Variants in TGFB2 observed in about 807,000 individuals in gnomAD.
TGFB2 encodes the protein transforming growth factor beta 2.
A neutral mutation model predicts 42.7 loss-of-function variants in TGFB2; 13 were observed. The ratio of observed to expected loss-of-function variants is 0.30; its 90% CI spans 0.20 to 0.48. The LOEUF (loss-of-function observed/expected upper bound fraction) is 0.48, where lower values mean the gene tolerates loss of function less well. TGFB2 is among the 20% of genes least tolerant of loss of function. The pLI is 0.99. For synonymous variants in TGFB2, 193 were observed against 193.6 expected (o/e 1.00, Z 0.03); for missense variants, 390 against 517.5 (o/e 0.75, Z 2.39).
intron 1 of TGFB2, among the ~76,000 whole-genome samples, chr1:218,367,250 T>G (rs1404262417): frequency 6.6e-6 from 1 of 152,182 alleles, no homozygotes; most frequent in Non-Finnish European, 1.5e-5. Context: ...GCTGACCTCT[T>G]GGTGGCCTGA....
chr1:218,396,979 G>T (rs1460207475), intron 1 of TGFB2, among the ~76,000 whole-genome samples: 1 of 151,908 alleles, frequency 6.6e-6, no homozygotes, highest in Non-Finnish European at 1.5e-5. Flanking sequence ...CAAAGTTTAG[G>T]TGCTTGAGCC....
At chr1:218,378,226 G>A (rs1216949708) in intron 1 of TGFB2, among the ~76,000 whole-genome samples, 1 of 152,066 alleles carries the variant, frequency 6.6e-6, no homozygotes, top group African/African-American at 2.4e-5. Flanking sequence ...GGCACTCTAT[G>A]AGTGCAATGG....
intron 1 of TGFB2, among the ~76,000 whole-genome samples, chr1:218,359,078 A>C (rs1321603764): frequency 6.6e-6 from 1 of 152,064 alleles, no homozygotes; most frequent in Non-Finnish European, 1.5e-5. Context: ...GGTTAACGAG[A>C]GGGAGACAGA....
chr1:218,388,994 G>A (rs1658228894), intron 1 of TGFB2, among the ~76,000 whole-genome samples: 1 of 152,088 alleles, frequency 6.6e-6, no homozygotes, highest in African/African-American at 2.4e-5. Flanking sequence ...TCCTACAGGG[G>A]AGCCTATTCT....
At chr1:218,364,947 T>C (rs937807434) in intron 1 of TGFB2, among the ~76,000 whole-genome samples, 1 of 152,216 alleles carries the variant, frequency 6.6e-6, no homozygotes, top group African/African-American at 2.4e-5. Context: ...CATCTGATTT[T>C]TTCCCCCTAG....
At chr1:218,402,422 A>G (rs1462654783) in intron 1 of TGFB2, among the ~76,000 whole-genome samples, 2 of 152,234 alleles carry the variant, frequency 1.3e-5, no homozygotes, top group African/African-American at 4.8e-5. Flanking sequence ...TCAAAGCTCA[A>G]AAGCCTAGGA....
At chr1:218,383,854 T>G (rs916298771) in intron 1 of TGFB2, among the ~76,000 whole-genome samples, 5 of 152,252 alleles carry the variant, frequency 3.3e-5, no homozygotes, top group African/African-American at 1.2e-4. Context: ...TTTCCCCATC[T>G]AGAAAGGTAG....
intron 1 of TGFB2, among the ~76,000 whole-genome samples, chr1:218,383,883 C>T (rs1244336386): frequency 1.3e-5 from 2 of 152,144 alleles, no homozygotes; most frequent in Non-Finnish European, 2.9e-5. Context: ...CATGTACTGA[C>T]AAAAAAGCAC....
At chr1:218,435,705 T>C (rs1378397821) in intron 4 of TGFB2, among the ~76,000 whole-genome samples, 1 of 152,208 alleles carries the variant, frequency 6.6e-6, no homozygotes, top group Non-Finnish European at 1.5e-5. Context: ...ACTGCTTCTG[T>C]AGTGACTTTC....
chr1:218,370,510 T>C (rs1657536738), intron 1 of TGFB2, among the ~76,000 whole-genome samples: 1 of 152,212 alleles, frequency 6.6e-6, no homozygotes, highest in Non-Finnish European at 1.5e-5. Context: ...TTATTCAAAG[T>C]TGATATATTC....
At chr1:218,394,941 T>A (rs1013591726) in intron 1 of TGFB2, among the ~76,000 whole-genome samples, 1 of 152,158 alleles carries the variant, frequency 6.6e-6, no homozygotes, top group Non-Finnish European at 1.5e-5. Context: ...GTGGGTTGCT[T>A]GTCTTGCCAC....
At chr1:218,433,495 A>G (rs1214181641) in intron 2 of TGFB2, among the ~76,000 whole-genome samples, 1 of 152,232 alleles carries the variant, frequency 6.6e-6, no homozygotes, top group African/African-American at 2.4e-5. Context: ...ACCTTTATAA[A>G]TCATAACAAA....
intron 1 of TGFB2, among the ~76,000 whole-genome samples, chr1:218,389,874 A>C (rs1235274743): frequency 6.6e-6 from 1 of 152,232 alleles, no homozygotes; most frequent in Non-Finnish European, 1.5e-5. Context: ...AAACATCTTC[A>C]GTGACATCAC....
intron 2 of TGFB2, among the ~76,000 whole-genome samples, chr1:218,418,883 G>A (rs1659365930): frequency 6.6e-6 from 1 of 152,148 alleles, no homozygotes; most frequent in African/African-American, 2.4e-5. Context: ...CTTCCATCAT[G>A]ATTGTGAGGC....
chr1:218,442,741 C>G lies in TGFB2; in HGVS notation c.*1379C>G, dbSNP rs1480035617. ...TTCATCTTCCAAGCATCATTACTAA[C>G]CAAGTCAGACGTTAACAAATTTTTA... is the stretch of plus-strand genomic sequence containing the variant. On this transcript the variant is annotated 3_prime_UTR_variant, in exon 7 of 7. Transcript: ENST00000366930. 1.3e-5 allele frequency: 2 copies of G among 151,728 alleles called. No homozygotes were observed. The highest frequency in any genetic ancestry group is 1.3e-4 in the Admixed American group (2 of 15,234). 9.4% of individuals were successfully genotyped at this position (151,728 alleles called of 1,614,324 possible).
intron 2 of TGFB2, among the ~76,000 whole-genome samples, chr1:218,418,205 T>G (rs962718326): frequency 1.3e-5 from 2 of 152,202 alleles, no homozygotes; most frequent in African/African-American, 4.8e-5. Flanking sequence ...GGCTATACCT[T>G]GCAAAGCCAT....
intron 5 of TGFB2, among the ~76,000 whole-genome samples, chr1:218,436,931 A>G (rs546877252): frequency 1.1e-4 from 16 of 152,350 alleles, no homozygotes; most frequent in African/African-American, 3.1e-4. Flanking sequence ...TGGTTGTTTG[A>G]AAATTGCTGT....
intron 2 of TGFB2, among the ~76,000 whole-genome samples, chr1:218,426,527 G>A (rs952617404): frequency 2.6e-5 from 4 of 152,172 alleles, no homozygotes; most frequent in African/African-American, 7.2e-5. Context: ...TGCTGAAGGC[G>A]ATATGTGGGT....
intron 1 of TGFB2, among the ~76,000 whole-genome samples, chr1:218,371,033 C>T (rs1657553173): frequency 6.6e-6 from 1 of 152,234 alleles, no homozygotes; most frequent in South Asian, 2.1e-4. Flanking sequence ...GGCGCAGTGG[C>T]TCGTGCCTGT....
Sources: gnomAD v4.1 joint callset for allele counts (sites outside exome capture counted in the v4.1 genomes callset) on GRCh38, gnomAD v4.1.1 for gene constraint, MANE v1.5 for transcripts, NCBI Gene and HGNC (gene_info 2026-07-23, HGNC 2026-07-21) for gene names.